The following ATP11A variants were observed in gnomAD, a reference collection of about 807,000 sequenced individuals.
The protein encoded by ATP11A is ATPase phospholipid transporting 11A.
Under a neutral mutation model 154.4 loss-of-function variants are expected in ATP11A, and 81 were observed. That is an observed-to-expected ratio of 0.52 (90% CI 0.44 to 0.63). The LOEUF is 0.63. Ranked by LOEUF, ATP11A falls within the 30% of genes least tolerant of loss-of-function variation. The pLI is 0.00. For missense variants in ATP11A, 1,316 were observed against 1,474.3 expected (o/e 0.89, Z 1.76); for synonymous variants, 623 against 585.9 (o/e 1.06, Z -0.91).
rs944384926 is a variant in ATP11A, at chr13:112,854,462, C to T, written c.2175C>T (p.Asp725=). 8.7e-6 allele frequency: 14 copies of T among 1,612,810 alleles called. No individual in the cohort carries two copies. The highest frequency in any genetic ancestry group is 2.2e-5 in the East Asian group (1 of 44,874). Residue 725 remains aspartate, a synonymous_variant, in exon 19 of 30, where the codon GAC becomes GAT. Coordinates refer to ENST00000375645, the MANE Select transcript of ATP11A (RefSeq NM_015205.3). ...GGATCGAGGAGCAGAGCCTGCACGA[C>T]GTCCTGTTCGAGCTGAGCAAGACGG... ...TKRIEEQSLH[D]VLFELSKTVL...
chr13:112,785,004 G>T lies in ATP11A; in HGVS notation c.40-131G>T, dbSNP rs937437281. On this transcript the variant is annotated intron_variant, in intron 1 of 29. Transcript: ENST00000375645. The surrounding 1 kb of genome is among the most constrained non-coding windows in gnomAD (Gnocchi z 4.8). The stretch of plus-strand genomic sequence containing the variant: ...GTGCTGGGCCCCAGGTCTCCCTGCA[G>T]CCCTGAACGATGCTCTCAGCAGCAG... 3 of 1,214,276 alleles carry T rather than the reference G, an allele frequency of 2.5e-6. No homozygotes were observed. The African/African-American group carries it at 4.7e-5, about 19-fold the overall frequency. 75.2% of individuals were successfully genotyped at this position (1,214,276 alleles called of 1,614,324 possible).
chr13:112,880,554 G>T, intron 29 of ATP11A: 5 of 1,299,728 alleles, frequency 3.8e-6, no homozygotes, highest in Non-Finnish European at 5.1e-6. Context: ...AGAGGGGTGT[G>T]AAGCACAAGG....
At chr13:112,856,357 AAAAAAAAGC>A in intron 20 of ATP11A, 1 of 287,908 alleles carries the variant, frequency 3.5e-6, no homozygotes, top group South Asian at 7.9e-5. Flanking sequence ...TTAAAAAAAA[AAAAAAAAGC>A]TATCTCAATC....
rs184690656 is a variant in ATP11A at position 112,760,016 on chromosome 13, A to G, written c.40-25119A>G. Among the ~76,000 whole-genome samples the G allele has an allele frequency of 4.6e-5, 7 of 152,292 alleles. No homozygotes were observed. The East Asian group carries it at 7.7e-4, about 17-fold the overall frequency. The stretch of plus-strand genomic sequence containing the variant: ...AGGAACCGAAGGAAGCCGTCTGGCA[A>G]TATGCCTTAGGGTGGCAGATGCAGC... On this transcript the variant is annotated intron_variant, in intron 1 of 29. Transcript: ENST00000375645.
intron 16 of ATP11A, 60 bp downstream of exon 16, chr13:112,836,311 A>T: frequency 1.9e-6 from 2 of 1,035,432 alleles, no homozygotes; most frequent in Non-Finnish European, 2.9e-6. Flanking sequence ...TTTTATTCTG[A>T]TGACTAAATT....
intron 1 of ATP11A, among the ~76,000 whole-genome samples, chr13:112,713,736 T>A (rs1888035764): frequency 6.6e-6 from 1 of 152,140 alleles, no homozygotes; most frequent in African/African-American, 2.4e-5. Context: ...GACAGACAGC[T>A]AACTGTTGAT....
At chr13:112,706,052 C>G (rs1200575720) in intron 1 of ATP11A, among the ~76,000 whole-genome samples, 1 of 152,160 alleles carries the variant, frequency 6.6e-6, no homozygotes, top group East Asian at 1.9e-4. Context: ...GTTTCTGCAT[C>G]TACTATTGTG....
chr13:112,701,158 C>T (rs895499328), intron 1 of ATP11A, among the ~76,000 whole-genome samples: 17 of 152,204 alleles, frequency 1.1e-4, no homozygotes, highest in Admixed American at 5.2e-4. Context: ...GCCGTCTCCA[C>T]GGTCCTTTCT....
intron 12 of ATP11A, among the ~76,000 whole-genome samples, chr13:112,829,885 T>C (rs2140241940): frequency 1.3e-5 from 2 of 152,378 alleles, no homozygotes; most frequent in Middle Eastern, 6.8e-3. Context: ...AGTGATTCTA[T>C]ATACCAGACA....
Position 112,882,406 on chromosome 13 carries a change from C to T in ATP11A, c.*540C>T. On this transcript the variant is annotated 3_prime_UTR_variant, in exon 30 of 30. Transcript: ENST00000375645. This position sits in a 1 kb window ranked among gnomAD's most constrained non-coding sequence, Gnocchi z 5.1. ...GCCACATGCTGCTGTTTCCTGCTTG[C>T]CCGGCCACCACCCATGCCCTCCATA... 1 of 408,876 alleles carries T rather than the reference C, an allele frequency of 2.4e-6. No individual in the cohort carries two copies. Among genetic ancestry groups the T allele is most frequent in the Non-Finnish European group, 4.5e-6 (1 of 221,162 alleles). 25.3% of individuals were successfully genotyped at this position (408,876 alleles called of 1,614,324 possible).
rs573059751 is a variant in ATP11A at position 112,690,511 on chromosome 13, C to T, written c.39+56C>T. The T allele has an allele frequency of 2.6e-5, 33 of 1,268,334 alleles. No homozygotes were observed. The African/African-American group carries it at 4.0e-4, about 15-fold the overall frequency. 78.6% of individuals were successfully genotyped at this position (1,268,334 alleles called of 1,614,324 possible). ...CGGGGACCAGACAGACGCGGGCCGG[C>T]CCCGCAGCCCGGACCCTGTGGCCGG... On this transcript the variant is annotated intron_variant, in intron 1 of 29. Coordinates refer to ENST00000375645, the MANE Select transcript of ATP11A (RefSeq NM_015205.3). The surrounding 1 kb of genome is among the most constrained non-coding windows in gnomAD (Gnocchi z 5.6).
At chr13:112,738,645 A>G (rs1474039839) in intron 1 of ATP11A, among the ~76,000 whole-genome samples, 1 of 152,166 alleles carries the variant, frequency 6.6e-6, no homozygotes, top group East Asian at 1.9e-4. Context: ...TGCTGGCCCA[A>G]GGCAATGTGG....
At chr13:112,738,700 C>G (rs1415787084) in intron 1 of ATP11A, among the ~76,000 whole-genome samples, 2 of 151,930 alleles carry the variant, frequency 1.3e-5, no homozygotes, top group African/African-American at 4.8e-5. Context: ...CGGTATGCCC[C>G]CACCCACCTG....
chr13:112,857,943 G>C (rs771349661), intron 21 of ATP11A, 23 bp downstream of exon 21: 12 of 1,611,722 alleles, frequency 7.4e-6, no homozygotes, highest in Non-Finnish European at 1.0e-5. Flanking sequence ...CTTGCTGCTG[G>C]CACATCCTGG....
intron 1 of ATP11A, among the ~76,000 whole-genome samples, chr13:112,709,400 C>T (rs1209356800): frequency 6.6e-6 from 1 of 152,202 alleles, no homozygotes; most frequent in Non-Finnish European, 1.5e-5. Flanking sequence ...TGTAGAGAAT[C>T]CTCTTCCCCC....
intron 1 of ATP11A, among the ~76,000 whole-genome samples, chr13:112,742,155 C>A (rs393320): frequency 0.23 from 35,126 of 152,102 alleles, 5,237 homozygotes; most frequent in African/African-American, 0.42. Context: ...CAGGAACACT[C>A]ATTCTTGATC....
Position 112,825,568 on chromosome 13 carries a change from G to A in ATP11A, c.1011G>A (p.Arg337=). ...ATAATCAGAAAACGGAGTCGGAAAG[G>A]CAGAGGAATCTGGTATGGAGAATCA... ...PWYNQKTESE[R]QRNLFLKAFT... Residue 337 remains arginine, a synonymous_variant, in exon 11 of 30, where the codon AGG becomes AGA. Coordinates refer to ENST00000375645, the MANE Select transcript of ATP11A (RefSeq NM_015205.3). 2 of 1,613,092 alleles carry A rather than the reference G, an allele frequency of 1.2e-6. No homozygotes were observed. The highest frequency in any genetic ancestry group is 1.7e-6 in the Non-Finnish European group (2 of 1,179,566).
intron 10 of ATP11A, among the ~76,000 whole-genome samples, 199 bp downstream of exon 10, chr13:112,824,624 C>A (rs2078885944): frequency 6.6e-6 from 1 of 152,210 alleles, no homozygotes; most frequent in South Asian, 2.1e-4. Context: ...CCTGCTCTTT[C>A]TAACGCCTGA....
intron 17 of ATP11A, among the ~76,000 whole-genome samples, chr13:112,845,615 G>GTGGTTCTAACCAGTCCAGTTGC (rs1566564431): frequency 1.8e-5 from 2 of 108,610 alleles, no homozygotes; most frequent in African/African-American, 9.1e-5. Context: ...CCAGGCACTA[G>GTGGTTCTAACCAGTCCAGTTGC]CGGTACTAAC....
Sources: allele counts gnomAD v4.1 joint callset (sites outside exome capture counted in the v4.1 genomes callset), GRCh38; gene constraint gnomAD v4.1.1; non-coding constraint Gnocchi (gnomAD v3.1); transcripts MANE v1.5; gene names NCBI Gene and HGNC (gene_info 2026-07-23, HGNC 2026-07-21).